Variants in TRDN observed in about 807,000 individuals in gnomAD.
TRDN encodes the protein triadin.
A neutral mutation model predicts 149.7 loss-of-function variants in TRDN; 161 were observed. That is an observed-to-expected ratio of 1.08 (90% CI 0.95 to 1.23). The LOEUF (loss-of-function observed/expected upper bound fraction) is 1.23, where lower values mean the gene tolerates loss of function less well. Ranked by LOEUF, TRDN falls within the 50% of genes most tolerant of loss-of-function variation. TRDN has a pLI of 0.00. For synonymous variants in TRDN, 294 were observed against 250.5 expected (o/e 1.17, Z -1.64); for missense variants, 896 against 823.5 (o/e 1.09, Z -1.08).
chr6:123,635,323 A>AACACACACACACACACACACACAC (rs141018949), intron 1 of TRDN, among the ~76,000 whole-genome samples: 65 of 147,264 alleles, frequency 4.4e-4, no homozygotes, highest in African/African-American at 1.6e-3. Flanking sequence ...CAGAAAAGAA[A>AACACACACACACACACACACACAC]ACACACACAC....
chr6:123,277,211 T>C (rs1777397516), intron 26 of TRDN, among the ~76,000 whole-genome samples: 1 of 152,160 alleles, frequency 6.6e-6, no homozygotes, highest in South Asian at 2.1e-4. Context: ...TATATGTAAC[T>C]GATTTAGATG....
intron 12 of TRDN, among the ~76,000 whole-genome samples, chr6:123,400,714 C>G (rs1395083731): frequency 6.6e-6 from 1 of 152,136 alleles, no homozygotes; most frequent in African/African-American, 2.4e-5. Context: ...TAAAGGGTGT[C>G]ATAGAACAGT....
At chr6:123,613,131 C>A (rs1395866885) in intron 1 of TRDN, among the ~76,000 whole-genome samples, 1 of 152,092 alleles carries the variant, frequency 6.6e-6, no homozygotes, top group African/African-American at 2.4e-5. Context: ...CTTCACTTAC[C>A]AAAGCATTGG....
intron 1 of TRDN, among the ~76,000 whole-genome samples, chr6:123,636,384 T>G (rs992805250): frequency 2.0e-5 from 3 of 151,970 alleles, no homozygotes; most frequent in Non-Finnish European, 4.4e-5. Flanking sequence ...AGTGTAATAT[T>G]TTAAGTTCAT....
At chr6:123,599,657 A>T (rs1438107680) in intron 1 of TRDN, among the ~76,000 whole-genome samples, 1 of 151,954 alleles carries the variant, frequency 6.6e-6, no homozygotes, top group African/African-American at 2.4e-5. Flanking sequence ...TTGGAGCACA[A>T]ATGTATTTCC....
At chr6:123,603,568 A>C (rs1161319031) in intron 1 of TRDN, among the ~76,000 whole-genome samples, 2 of 152,100 alleles carry the variant, frequency 1.3e-5, no homozygotes, top group Non-Finnish European at 2.9e-5. Flanking sequence ...TCATACATTC[A>C]TTTATCAGAT....
In TRDN at chr6:123,611,364, C is replaced by T. The variant is rs565468347; in HGVS notation, c.22+25390G>A. On this transcript the variant is annotated intron_variant, in intron 1 of 40. Transcript: ENST00000334268. ...AAGAACAATGTAACAGTTGCCCACA[C>T]TGTAGTCTGCTTAAGTTAGAGGGAC... Among the ~76,000 whole-genome samples, 73 of 152,218 alleles carry T rather than the reference C, an allele frequency of 4.8e-4. 1 individual carries two copies. The highest frequency in any genetic ancestry group is 1.7e-3 in the African/African-American group (71 of 41,548).
intron 12 of TRDN, among the ~76,000 whole-genome samples, chr6:123,416,301 C>T (rs771243702): frequency 7.9e-5 from 12 of 152,292 alleles, no homozygotes; most frequent in Admixed American, 4.6e-4. Flanking sequence ...CTCCACAACT[C>T]GGTTAACTTC....
intron 9 of TRDN, among the ~76,000 whole-genome samples, chr6:123,467,398 C>T (rs906709087): frequency 6.6e-6 from 1 of 151,494 alleles, no homozygotes; most frequent in Non-Finnish European, 1.5e-5. Flanking sequence ...GCATAAAGTG[C>T]AATATGCAGT....
intron 5 of TRDN, among the ~76,000 whole-genome samples, chr6:123,524,154 G>C (rs1215727025): frequency 6.6e-6 from 1 of 152,070 alleles, no homozygotes; most frequent in Non-Finnish European, 1.5e-5. Context: ...GGCAACAATG[G>C]CTTCTAGATG....
intron 19 of TRDN, among the ~76,000 whole-genome samples, chr6:123,374,769 A>G (rs1225907598): frequency 6.9e-6 from 1 of 144,516 alleles, no homozygotes; most frequent in Admixed American, 6.8e-5. Context: ...GAAAGACTCC[A>G]TCAAAAAAAA....
chr6:123,614,570 G>T (rs553355104), intron 1 of TRDN, among the ~76,000 whole-genome samples: 2 of 151,020 alleles, frequency 1.3e-5, no homozygotes, highest in South Asian at 4.2e-4. Flanking sequence ...TTTGAAAAAC[G>T]TAAGTGTATT....
intron 1 of TRDN, among the ~76,000 whole-genome samples, chr6:123,617,499 T>C (rs1269467078): frequency 6.6e-6 from 1 of 152,064 alleles, no homozygotes; most frequent in Non-Finnish European, 1.5e-5. Flanking sequence ...ATAAAGTGCC[T>C]CTCTAATTTT....
rs528697692 is a variant in TRDN, at chr6:123,559,209, A to G, written c.233-10597T>C. Among the ~76,000 whole-genome samples, 71 of 152,256 alleles carry G rather than the reference A, an allele frequency of 4.7e-4. 1 individual carries two copies. Among genetic ancestry groups the G allele is most frequent in the Admixed American group, 1.4e-3 (21 of 15,292 alleles). ...CTGTCCCCTTCTTAATCAAAATGAA[A>G]GCCACCCACTCCACATTACCTTCTT... On this transcript the variant is annotated intron_variant, in intron 2 of 40. Coordinates refer to ENST00000334268, the MANE Select transcript of TRDN (RefSeq NM_006073.4).
Position 123,551,867 on chromosome 6 carries a change from G to C in TRDN, c.233-3255C>G, listed in dbSNP as rs61069994. ...AATTCACAATTGATTCTAAGGTCTC[G>C]TTTTGGGTGGGGAGATTTTAGAAGG... On this transcript the variant is annotated intron_variant, in intron 2 of 40. Transcript: ENST00000334268. Among the ~76,000 whole-genome samples, 1,456 of 152,116 alleles carry C rather than the reference G, an allele frequency of 9.6e-3. 34 individuals are homozygous for C. The highest frequency in any genetic ancestry group is 0.033 in the African/African-American group (1,366 of 41,516).
At chr6:123,287,456 T>A (rs1019903719) in intron 24 of TRDN, among the ~76,000 whole-genome samples, 1 of 152,158 alleles carries the variant, frequency 6.6e-6, no homozygotes, top group Non-Finnish European at 1.5e-5. Flanking sequence ...CTGATGCATG[T>A]TGAAATTTGA....
intron 23 of TRDN, among the ~76,000 whole-genome samples, chr6:123,319,703 C>A (rs1040880554): frequency 2.6e-5 from 4 of 151,980 alleles, no homozygotes; most frequent in African/African-American, 9.7e-5. Flanking sequence ...AAACATTTGC[C>A]ACTGAAGCCC....
At chr6:123,463,340 G>GAA (rs757396311) in intron 10 of TRDN, among the ~76,000 whole-genome samples, 4 of 119,836 alleles carry the variant, frequency 3.3e-5, no homozygotes, top group African/African-American at 9.7e-5. Flanking sequence ...TCCGTCTCAA[G>GAA]AAAAAAAAAA....
At chr6:123,556,803 C>T (rs956271299) in intron 2 of TRDN, among the ~76,000 whole-genome samples, 6 of 152,118 alleles carry the variant, frequency 3.9e-5, no homozygotes, top group African/African-American at 1.2e-4. Context: ...TCTACGCCCT[C>T]ACAAAATTCA....
Sources: gnomAD v4.1 joint callset for allele counts (sites outside exome capture counted in the v4.1 genomes callset) on GRCh38, gnomAD v4.1.1 for gene constraint, MANE v1.5 for transcripts, NCBI Gene and HGNC (gene_info 2026-07-23, HGNC 2026-07-21) for gene names.